MACROD2: variants seen among roughly 807,000 people sequenced by gnomAD.
MACROD2 encodes mono-ADP ribosylhydrolase 2.
In MACROD2, 36 loss-of-function variants were observed where a neutral mutation model predicts 70.4. That is an observed-to-expected ratio of 0.51 (90% CI 0.39 to 0.68). The LOEUF (loss-of-function observed/expected upper bound fraction) is 0.68. Among genes scored for constraint, MACROD2 ranks in the 30% least tolerant of loss-of-function variants. The pLI, the probability that MACROD2 is intolerant of heterozygous loss-of-function variation, is 0.00. For synonymous variants in MACROD2, 172 were observed against 178.8 expected, an observed-to-expected ratio of 0.96 and a Z score of 0.30; for missense variants, 496 against 538.4, an observed-to-expected ratio of 0.92 and a Z score of 0.78.
At chr20:15,162,991 C>A (rs916922285) in intron 5 of MACROD2, among the ~76,000 whole-genome samples, 2 of 151,838 alleles carry the variant, frequency 1.3e-5, no homozygotes, top group African/African-American at 4.8e-5. Flanking sequence ...AAACAGAATA[C>A]CATGGCAGGT....
chr20:14,183,009 A>C (rs2081316820), intron 3 of MACROD2, among the ~76,000 whole-genome samples: 1 of 149,974 alleles, frequency 6.7e-6, no homozygotes, highest in Non-Finnish European at 1.5e-5. Context: ...GTGTGAGTGC[A>C]GTTTGTTGTC....
intron 3 of MACROD2, among the ~76,000 whole-genome samples, chr20:14,132,689 G>A (rs1317709716): frequency 1.3e-5 from 2 of 151,948 alleles, no homozygotes; most frequent in East Asian, 1.9e-4. Flanking sequence ...CCAGGCTGGA[G>A]TGCAGTGGCT....
intron 3 of MACROD2, among the ~76,000 whole-genome samples, chr20:14,454,558 T>A (rs1430025214): frequency 6.6e-6 from 1 of 151,942 alleles, no homozygotes; most frequent in Non-Finnish European, 1.5e-5. Context: ...GTAACAGCAG[T>A]GGTTTAGTTT....
intron 3 of MACROD2, among the ~76,000 whole-genome samples, chr20:14,485,021 GT>G (rs912712369): frequency 6.8e-5 from 10 of 146,208 alleles, no homozygotes; most frequent in African/African-American, 2.4e-4. Context: ...TGGTAGCTCT[GT>G]TTTTGTTTTT....
intron 3 of MACROD2, among the ~76,000 whole-genome samples, chr20:14,484,320 G>A (rs1271398067): frequency 6.6e-6 from 1 of 151,914 alleles, no homozygotes; most frequent in Non-Finnish European, 1.5e-5. Context: ...CATAGTAGAT[G>A]TGTGTGTATA....
chr20:14,395,626 C>G (rs1401651503), intron 3 of MACROD2, among the ~76,000 whole-genome samples: 1 of 151,890 alleles, frequency 6.6e-6, no homozygotes, highest in Non-Finnish European at 1.5e-5. Flanking sequence ...TTCTTCTGCT[C>G]ATTTTGTGTT....
At chr20:15,168,876 CATT>C (rs1486135975) in intron 5 of MACROD2, among the ~76,000 whole-genome samples, 1 of 152,050 alleles carries the variant, frequency 6.6e-6, no homozygotes, top group Non-Finnish European at 1.5e-5. Context: ...ACCTTGAAAA[CATT>C]ATGTTTTGTG....
chr20:15,306,363 G>A (rs2077697646), intron 6 of MACROD2, among the ~76,000 whole-genome samples: 1 of 152,120 alleles, frequency 6.6e-6, no homozygotes. Flanking sequence ...CAGGTTCTGA[G>A]CACTTATTAT....
At position 14,326,570 on chromosome 20, in the gene MACROD2, T is replaced by C; in HGVS notation, c.272-166909T>C. The C allele has an allele frequency of 6.2e-7, 1 of 1,613,926 alleles. No homozygotes were observed. The highest frequency in any genetic ancestry group is 8.5e-7 in the Non-Finnish European group (1 of 1,179,868). Reference sequence around the variant, plus strand: ...TGTAACCAGTCACGTACCCATTTCATCTTGCACCCGCAATACCAGGGATTG... The same window carrying C: ...TGTAACCAGTCACGTACCCATTTCACCTTGCACCCGCAATACCAGGGATTG... On this transcript the variant is annotated intron_variant, in intron 3 of 17. Coordinates refer to ENST00000684519, the MANE Select transcript of MACROD2 (RefSeq NM_001351661.2). The surrounding 1 kb of genome is among the most constrained non-coding windows in gnomAD (Gnocchi z 5.5).
At chr20:14,994,920 C>G (rs1225451135) in intron 5 of MACROD2, among the ~76,000 whole-genome samples, 1 of 152,066 alleles carries the variant, frequency 6.6e-6, no homozygotes, top group Non-Finnish European at 1.5e-5. Flanking sequence ...AGGAGGATTA[C>G]TTGAGCCCAG....
intron 5 of MACROD2, among the ~76,000 whole-genome samples, chr20:14,911,163 C>T (rs542696986): frequency 9.2e-5 from 14 of 152,194 alleles, no homozygotes; most frequent in African/African-American, 3.4e-4. Context: ...TGTCTGGTCC[C>T]AAACCCTCCC....
intron 5 of MACROD2, among the ~76,000 whole-genome samples, chr20:15,095,823 G>A (rs946329528): frequency 4.0e-5 from 6 of 151,658 alleles, no homozygotes; most frequent in South Asian, 2.1e-4. Flanking sequence ...AGCCAGAAAG[G>A]TTCTTCAGTT....
At chr20:14,473,206 T>C (rs1423871986) in intron 3 of MACROD2, among the ~76,000 whole-genome samples, 1 of 152,122 alleles carries the variant, frequency 6.6e-6, no homozygotes, top group Non-Finnish European at 1.5e-5. Context: ...TTATTTATTG[T>C]TAACTACAGT....
Position 15,872,129 on chromosome 20 carries a change from A to G in MACROD2, c.727+9303A>G, listed in dbSNP as rs543555264. ...GTTTGAAGCTACTTGTCTGCTAAAA[A>G]AGCCACATATTATCCATTTGCATTA... On this transcript the variant is annotated intron_variant, in intron 9 of 17. Coordinates refer to ENST00000684519, the MANE Select transcript of MACROD2 (RefSeq NM_001351661.2). Among the ~76,000 whole-genome samples, 255 of 152,340 alleles carry G rather than the reference A, an allele frequency of 1.7e-3. 1 individual carries two copies. The highest frequency in any genetic ancestry group is 5.9e-3 in the African/African-American group (245 of 41,578).
At position 14,650,317 on chromosome 20, in the gene MACROD2, C is replaced by T. The variant is rs74624743; in HGVS notation, c.302-34526C>T. ...TCTGATCTCTCTTCCAGTTCTTACA[C>T]AGTTGGCTGTGGTTACTGACTTCTT... On this transcript the variant is annotated intron_variant, in intron 4 of 17. Coordinates refer to ENST00000684519, the MANE Select transcript of MACROD2 (RefSeq NM_001351661.2). Among the ~76,000 whole-genome samples the T allele has an allele frequency of 7.1e-3, 1,084 of 152,302 alleles. 13 individuals carry two copies. The highest frequency in any genetic ancestry group is 0.025 in the African/African-American group (1,049 of 41,568).
At chr20:15,908,297 T>TC (rs557117728) in intron 10 of MACROD2, among the ~76,000 whole-genome samples, 370 of 152,270 alleles carry the variant, frequency 2.4e-3, no homozygotes, top group African/African-American at 8.7e-3. Context: ...AGAAATGACT[T>TC]CACCCAAGGA....
At chr20:14,238,071 G>C (rs1209960000) in intron 3 of MACROD2, among the ~76,000 whole-genome samples, 1 of 152,112 alleles carries the variant, frequency 6.6e-6, no homozygotes, top group Non-Finnish European at 1.5e-5. Context: ...GTAATGGGAT[G>C]GCTGGGTCAA....
intron 5 of MACROD2, among the ~76,000 whole-genome samples, chr20:15,190,789 G>A (rs990165365): frequency 6.6e-6 from 1 of 152,162 alleles, no homozygotes; most frequent in Non-Finnish European, 1.5e-5. Flanking sequence ...GGCAGGATAC[G>A]CAGGTTTAGA....
intron 6 of MACROD2, among the ~76,000 whole-genome samples, chr20:15,324,260 A>G (rs998324654): frequency 1.3e-5 from 2 of 152,108 alleles, no homozygotes; most frequent in African/African-American, 4.8e-5. Context: ...CTGACATCTC[A>G]TGAAACCTAT....
Sources: gnomAD v4.1 joint callset for allele counts (sites outside exome capture counted in the v4.1 genomes callset) on GRCh38, gnomAD v4.1.1 for gene constraint, Gnocchi (gnomAD v3.1) non-coding constraint, MANE v1.5 for transcripts, NCBI Gene and HGNC (gene_info 2026-07-23, HGNC 2026-07-21) for gene names.